UBR4: variants seen among roughly 807,000 people sequenced by gnomAD.
UBR4 encodes the protein E3 ubiquitin-protein ligase UBR4.
In UBR4, 124 loss-of-function variants were observed where a neutral mutation model predicts 575.6. The observed-to-expected ratio is 0.22, with a 90% CI of 0.19 to 0.25. The LOEUF is 0.25. Ranked by LOEUF, UBR4 falls within the 10% of genes least tolerant of loss-of-function variation. UBR4 has a pLI of 1.00. For synonymous variants in UBR4, 2,455 were observed against 2,473.7 expected, an observed-to-expected ratio of 0.99 and a Z score of 0.22; for missense variants, 4,818 against 6,478.8, an observed-to-expected ratio of 0.74 and a Z score of 8.80.
At chr1:19,090,503 C>A (rs1349284687) in intron 97 of UBR4, among the ~76,000 whole-genome samples, 2 of 152,184 alleles carry the variant, frequency 1.3e-5, no homozygotes, top group African/African-American at 4.8e-5. Context: ...TTTAAGCTCT[C>A]TTTGGCCTCT....
At chr1:19,095,370 A>G (rs2077929757) in intron 93 of UBR4, among the ~76,000 whole-genome samples, 175 bp downstream of exon 93, 1 of 152,172 alleles carries the variant, frequency 6.6e-6, no homozygotes. Context: ...GCAGGAGGTG[A>G]GCCAGCCAGA....
intron 29 of UBR4, among the ~76,000 whole-genome samples, chr1:19,166,684 C>T (rs1346330771): frequency 7.7e-6 from 1 of 129,662 alleles, no homozygotes; most frequent in Non-Finnish European, 1.5e-5. Flanking sequence ...TCAAGACCAG[C>T]CTACACAACA....
intron 64 of UBR4, among the ~76,000 whole-genome samples, chr1:19,125,980 G>A (rs1303471786): frequency 1.3e-5 from 2 of 152,142 alleles, no homozygotes; most frequent in Admixed American, 1.3e-4. Context: ...TGAAGGTTAG[G>A]GAGGTTAGAC....
In UBR4 at chr1:19,126,503, T is replaced by C; in HGVS notation, c.9381A>G (p.Pro3127=). 5 of 1,614,154 alleles carry C rather than the reference T, an allele frequency of 3.1e-6. No individual in the cohort carries two copies. Among genetic ancestry groups the C allele is most frequent in the South Asian group, 1.1e-5 (1 of 91,084 alleles). The change falls in exon 64 of 106, where the codon CCA becomes CCG. Residue 3127 remains proline, a synonymous_variant. Coordinates refer to ENST00000375254, the MANE Select transcript of UBR4 (RefSeq NM_020765.3). ...EPVATSQLLK[P]HTTSSPPDMS... The stretch of plus-strand genomic sequence containing the variant: ...TGTCAGGTGGGGAGGAGGTAGTATG[T>C]GGTTTCAGCAACTGGCTGGTAGCCA...
rs368500489 is a variant in UBR4 at position 19,117,098 on chromosome 1, G to A, written c.10823+123C>T. 120 of 1,030,880 alleles carry A rather than the reference G, an allele frequency of 1.2e-4. No individual in the cohort carries two copies. The highest frequency in any genetic ancestry group is 6.5e-4 in the Middle Eastern group (2 of 3,096). 63.9% of individuals were successfully genotyped at this position (1,030,880 alleles called of 1,614,324 possible). On this transcript the variant is annotated intron_variant, in intron 73 of 105. Coordinates refer to ENST00000375254, the MANE Select transcript of UBR4 (RefSeq NM_020765.3). The surrounding 1 kb of genome is among the most constrained non-coding windows in gnomAD (Gnocchi z 4.0). ...TTTGTCCTTTGGTCATGAATGGAGG[G>A]GCCAAGAGGATGTATTAGGCCTCTA...
At chr1:19,208,466 CAAAAAAAAAA>C (rs71030137) in intron 1 of UBR4, among the ~76,000 whole-genome samples, 5 of 76,892 alleles carry the variant, frequency 6.5e-5, no homozygotes, top group East Asian at 1.1e-3. Context: ...GAATCCATCT[CAAAAAAAAAA>C]AAAAAAAAAA....
intron 73 of UBR4, 124 bp from the exon 74 acceptor site, chr1:19,115,761 A>G: frequency 6.9e-7 from 1 of 1,438,926 alleles, no homozygotes; most frequent in Non-Finnish European, 9.3e-7. Context: ...CTCTAAGGAA[A>G]AGAAATCTGG....
Position 19,157,046 on chromosome 1 carries a change from T to G in UBR4, c.5761-121A>C. 1 of 1,164,136 alleles carries G rather than the reference T, an allele frequency of 8.6e-7. No homozygotes were observed. The allele number at this position is 1,164,136 out of a possible 1,614,324, so 72.1% of individuals were successfully genotyped here. A position where few individuals can be genotyped will look rare whatever the true frequency, so the allele number is the denominator to read the frequency against. ...GCACACTTTTTTCTTTACAGATAAG[T>G]CTAGTAGAAAATCCTAGATCAGTAT... is the stretch of plus-strand genomic sequence containing the variant. On this transcript the variant is annotated intron_variant, in intron 40 of 105. Coordinates refer to ENST00000375254, the MANE Select transcript of UBR4 (RefSeq NM_020765.3). The surrounding 1 kb of genome is among the most constrained non-coding windows in gnomAD (Gnocchi z 4.4).
intron 81 of UBR4, 54 bp from the exon 82 acceptor site, chr1:19,107,020 T>C (rs2079285630): frequency 3.1e-6 from 5 of 1,600,118 alleles, no homozygotes; most frequent in South Asian, 2.2e-5. Flanking sequence ...ACCTGAGCCA[T>C]AGCCCCAACA....
In UBR4 at chr1:19,152,534, T is replaced by A; in HGVS notation, c.6833-58A>T. ...TCTCCCACCTCTGCCCCAACACCAC[T>A]GGTAAAGACTCCTCCCAGACAGAGC... On this transcript the variant is annotated intron_variant, in intron 46 of 105. Transcript: ENST00000375254. This position sits in a 1 kb window ranked among gnomAD's most constrained non-coding sequence, Gnocchi z 4.4. 6.2e-7 allele frequency: 1 copy of A among 1,603,526 alleles called. No individual in the cohort carries two copies.
At chr1:19,179,925 G>T (rs1019273775) in intron 17 of UBR4, among the ~76,000 whole-genome samples, 1 of 152,172 alleles carries the variant, frequency 6.6e-6, no homozygotes, top group Non-Finnish European at 1.5e-5. Context: ...TTCTAAGTCT[G>T]CCAAATTAAA....
chr1:19,105,342 A>G (rs990839140), intron 84 of UBR4, among the ~76,000 whole-genome samples, 153 bp from the exon 85 acceptor site: 1 of 152,142 alleles, frequency 6.6e-6, no homozygotes, highest in Non-Finnish European at 1.5e-5. Context: ...AGACAGCTCC[A>G]ATTCCCACAT....
At chr1:19,159,431 T>G (rs1449260888) in intron 39 of UBR4, among the ~76,000 whole-genome samples, 1 of 152,168 alleles carries the variant, frequency 6.6e-6, no homozygotes, top group Non-Finnish European at 1.5e-5. Context: ...TAGATGAACT[T>G]TAGAGAAGAT....
At chr1:19,126,206 G>A (rs769683656) in intron 64 of UBR4, among the ~76,000 whole-genome samples, 2 of 152,120 alleles carry the variant, frequency 1.3e-5, no homozygotes, top group Admixed American at 6.6e-5. Flanking sequence ...AATGTGAAAC[G>A]AGATAACCAT....
At chr1:19,106,507 A>G in intron 83 of UBR4, 62 bp downstream of exon 83, 1 of 1,496,656 alleles carries the variant, frequency 6.7e-7, no homozygotes, top group African/African-American at 1.4e-5. Context: ...GGGCAGAAAC[A>G]TATTGCTCAG....
At chr1:19,140,964 C>A in intron 57 of UBR4, 72 bp from the exon 58 acceptor site, 1 of 1,473,008 alleles carries the variant, frequency 6.8e-7, no homozygotes, top group Non-Finnish European at 9.2e-7. Context: ...TGGCCACCTG[C>A]TGCCCTCAAG....
Position 19,100,250 on chromosome 1 carries a change from G to C in UBR4, c.13221+126C>G, listed in dbSNP as rs1391293029. ...TGGGAATCATTAACCCCAACTTACA[G>C]AGTGGAGAAACTGAAGGCCACCTGC... On this transcript the variant is annotated intron_variant, in intron 89 of 105. Coordinates refer to ENST00000375254, the MANE Select transcript of UBR4 (RefSeq NM_020765.3). The surrounding 1 kb of genome is among the most constrained non-coding windows in gnomAD (Gnocchi z 4.2). The C allele has an allele frequency of 1.0e-6, 1 of 961,408 alleles. No homozygotes were observed. The highest frequency in any genetic ancestry group is 1.6e-5 in the African/African-American group (1 of 61,852). 59.6% of individuals were successfully genotyped at this position (961,408 alleles called of 1,614,324 possible).
intron 61 of UBR4, 32 bp downstream of exon 61, chr1:19,128,946 C>T (rs2082118456): frequency 1.3e-6 from 2 of 1,599,532 alleles, no homozygotes; most frequent in African/African-American, 1.3e-5. Flanking sequence ...CCAATCATGA[C>T]CTGACAGAGA....
At position 19,093,591 on chromosome 1, in the gene UBR4, A is replaced by C. The variant is rs2148885825; in HGVS notation, c.13938-105T>G. On this transcript the variant is annotated intron_variant, in intron 95 of 105. Coordinates refer to ENST00000375254, the MANE Select transcript of UBR4 (RefSeq NM_020765.3). This position sits in a 1 kb window ranked among gnomAD's most constrained non-coding sequence, Gnocchi z 4.8. ...CAACAGCCTATAGAAGATCAAGGCT[A>C]AATTCCCTAACGTGACACAAAGACC... 1 of 1,278,644 alleles carries C rather than the reference A, an allele frequency of 7.8e-7. No homozygotes were observed. Among genetic ancestry groups the C allele is most frequent in the East Asian group, 2.4e-5 (1 of 42,094 alleles). 79.2% of individuals were successfully genotyped at this position (1,278,644 alleles called of 1,614,324 possible). A position where few individuals can be genotyped will look rare whatever the true frequency, so the allele number is the denominator to read the frequency against.
Sources: allele counts gnomAD v4.1 joint callset (sites outside exome capture counted in the v4.1 genomes callset), GRCh38; gene constraint gnomAD v4.1.1; non-coding constraint Gnocchi (gnomAD v3.1); transcripts MANE v1.5; gene names NCBI Gene and HGNC (gene_info 2026-07-23, HGNC 2026-07-21).